Variants in PRKG1 observed in about 807,000 individuals in gnomAD.
PRKG1 encodes the protein protein kinase cGMP-dependent 1.
In PRKG1, 35 loss-of-function variants were observed where a neutral mutation model predicts 88.1. The observed-to-expected ratio is 0.40, with a 90% confidence interval of 0.30 to 0.53. The LOEUF is 0.53. Among genes scored for constraint, PRKG1 ranks in the 20% least tolerant of loss-of-function variants. The probability of loss-of-function intolerance (pLI) is 0.59; values close to 1 mark genes in which losing one functional copy is unlikely to be tolerated. For missense variants in PRKG1, 540 were observed against 839.8 expected, an observed-to-expected ratio of 0.64 and a Z score of 4.41; for synonymous variants, 303 against 292.5, an observed-to-expected ratio of 1.04 and a Z score of -0.37.
At chr10:51,413,233 T>C (rs117525238) in intron 2 of PRKG1, among the ~76,000 whole-genome samples, 2,272 of 152,372 alleles carry the variant, frequency 0.015, 47 homozygotes, top group Admixed American at 0.049. Context: ...TTTTTTATTG[T>C]TGTTATTTCT....
chr10:51,608,709 C>T (rs767638921), intron 3 of PRKG1, among the ~76,000 whole-genome samples: 8 of 152,110 alleles, frequency 5.3e-5, no homozygotes, highest in South Asian at 4.1e-4. Flanking sequence ...TTAATTATAA[C>T]GACATTTCTG....
chr10:51,675,951 G>A (rs533285302), intron 3 of PRKG1, among the ~76,000 whole-genome samples: 1 of 151,982 alleles, frequency 6.6e-6, no homozygotes, highest in Non-Finnish European at 1.5e-5. Flanking sequence ...AGGGAGGGTC[G>A]TGGGCCCTTA....
Position 51,316,660 on chromosome 10 carries a change from C to T in PRKG1, c.479-151063C>T, listed in dbSNP as rs533582440. On this transcript the variant is annotated intron_variant, in intron 2 of 17. Transcript: ENST00000373980. ...TCATGCCATTGCATTCCAGCCTGGG[C>T]GACAAGAGCAAGACTCCGTCTCAAA... Among the ~76,000 whole-genome samples the T allele has an allele frequency of 2.1e-3, 324 of 150,886 alleles. 3 individuals carry two copies. The highest frequency in any genetic ancestry group is 7.1e-3 in the African/African-American group (291 of 41,064).
intron 2 of PRKG1, among the ~76,000 whole-genome samples, chr10:51,308,271 G>A (rs925122258): frequency 6.6e-6 from 1 of 152,148 alleles, no homozygotes; most frequent in Non-Finnish European, 1.5e-5. Context: ...GGTGCTTAAA[G>A]TGTTGACTTT....
intron 5 of PRKG1, among the ~76,000 whole-genome samples, chr10:51,989,646 A>G (rs1844252340): frequency 6.6e-6 from 1 of 152,092 alleles, no homozygotes; most frequent in Non-Finnish European, 1.5e-5. Flanking sequence ...GGACCCATGA[A>G]GGCACTTTAA....
intron 1 of PRKG1, among the ~76,000 whole-genome samples, chr10:51,066,760 T>C (rs542298987): frequency 6.6e-6 from 1 of 152,130 alleles, no homozygotes; most frequent in Non-Finnish European, 1.5e-5. Context: ...AGTACTGATA[T>C]TAATACTGAA....
chr10:52,200,865 G>A (rs1839646542), intron 9 of PRKG1, among the ~76,000 whole-genome samples: 1 of 152,070 alleles, frequency 6.6e-6, no homozygotes, highest in Non-Finnish European at 1.5e-5. Context: ...CTTTTGAAAA[G>A]TATCTGGTCA....
At chr10:51,310,375 G>A (rs1171369659) in intron 2 of PRKG1, among the ~76,000 whole-genome samples, 1 of 152,096 alleles carries the variant, frequency 6.6e-6, no homozygotes, top group Non-Finnish European at 1.5e-5. Flanking sequence ...ATTGTGCTCT[G>A]GGCTATGGAG....
chr10:51,055,168 C>T (rs1411989363), intron 1 of PRKG1, among the ~76,000 whole-genome samples: 1 of 152,028 alleles, frequency 6.6e-6, no homozygotes, highest in African/African-American at 2.4e-5. Flanking sequence ...GTATTCAGTA[C>T]CCCAGTGGAT....
At chr10:51,670,751 AATAAAT>A (rs1564599545) in intron 3 of PRKG1, among the ~76,000 whole-genome samples, 3,862 of 98,364 alleles carry the variant, frequency 0.039, 133 homozygotes, top group African/African-American at 0.068. Flanking sequence ...AAAATAAATA[AATAAAT>A]AAATAAATAA....
chr10:51,311,964 C>T (rs996894678), intron 2 of PRKG1, among the ~76,000 whole-genome samples: 1 of 152,076 alleles, frequency 6.6e-6, no homozygotes, highest in African/African-American at 2.4e-5. Flanking sequence ...CTCTGCCTCC[C>T]GGGTTCAAGT....
At chr10:51,734,071 TA>T (rs35571541) in intron 3 of PRKG1, among the ~76,000 whole-genome samples, 5 of 151,772 alleles carry the variant, frequency 3.3e-5, no homozygotes, top group African/African-American at 9.7e-5. Flanking sequence ...TTAGCTTTTT[TA>T]AAAAAAAATT....
At position 52,157,306 on chromosome 10, in the gene PRKG1, GAT is replaced by G. The variant is rs142784154; in HGVS notation, c.1002-4552_1002-4551del. 8.0e-3 allele frequency among the ~76,000 whole-genome samples: 1,003 copies of G among 125,890 alleles called. 13 individuals carry two copies. Among genetic ancestry groups the G allele is most frequent in the African/African-American group, 0.022 (752 of 34,788 alleles). 82.6% of individuals were successfully genotyped at this position (125,890 alleles called of 152,430 possible). ...TATATATATTGTGTGTGAGTTAGTTGATATATATATATATATATATATATATA... is the reference window on the plus strand; with the variant it reads ...TATATATATTGTGTGTGAGTTAGTTGATATATATATATATATATATATATA... On this transcript the variant is annotated intron_variant, in intron 8 of 17. Coordinates refer to ENST00000373980, the MANE Select transcript of PRKG1 (RefSeq NM_006258.4).
At chr10:51,553,147 C>A (rs1282705350) in intron 3 of PRKG1, among the ~76,000 whole-genome samples, 1 of 151,532 alleles carries the variant, frequency 6.6e-6, no homozygotes, top group Non-Finnish European at 1.5e-5. Flanking sequence ...TTGACTCATT[C>A]AAAAATCTTC....
chr10:52,270,991 TG>T (rs1348396572), intron 10 of PRKG1, among the ~76,000 whole-genome samples: 2 of 152,076 alleles, frequency 1.3e-5, no homozygotes, highest in African/African-American at 4.8e-5. Context: ...GAAATAAAAT[TG>T]GAAAAGAAGT....
chr10:51,330,110 T>C (rs1294089233), intron 2 of PRKG1, among the ~76,000 whole-genome samples: 1 of 6,608 alleles, frequency 1.5e-4, no homozygotes, highest in Non-Finnish European at 3.9e-4. Context: ...TGCTCTTTTA[T>C]TTATTTATTT....
intron 5 of PRKG1, among the ~76,000 whole-genome samples, chr10:52,046,320 T>G (rs1845862103): frequency 6.6e-6 from 1 of 152,138 alleles, no homozygotes. Context: ...CCTTTACATT[T>G]GTGGAGGTAT....
At chr10:51,211,235 T>C (rs576778573) in intron 2 of PRKG1, among the ~76,000 whole-genome samples, 19 of 152,250 alleles carry the variant, frequency 1.2e-4, no homozygotes, top group African/African-American at 4.6e-4. Flanking sequence ...TCTCAATAGA[T>C]GCAGAAAAGG....
chr10:51,656,555 G>A (rs926958768), intron 3 of PRKG1, among the ~76,000 whole-genome samples: 14 of 152,060 alleles, frequency 9.2e-5, no homozygotes, highest in Non-Finnish European at 1.6e-4. Context: ...TTCTTTCACC[G>A]CAAAGTATTT....
Sources: gnomAD v4.1 joint callset for allele counts (sites outside exome capture counted in the v4.1 genomes callset) on GRCh38, gnomAD v4.1.1 for gene constraint, MANE v1.5 for transcripts, NCBI Gene and HGNC (gene_info 2026-07-23, HGNC 2026-07-21) for gene names.